Variants in SLF2 observed in about 807,000 individuals in gnomAD.
SLF2 encodes SMC5-SMC6 complex localization factor protein 2.
In SLF2, 68 loss-of-function variants were observed where a neutral mutation model predicts 124.3. That is an observed-to-expected ratio of 0.55 (90% CI 0.45 to 0.67). The LOEUF (loss-of-function observed/expected upper bound fraction) is 0.67, where lower values mean the gene tolerates loss of function less well. SLF2 is among the 30% of genes least tolerant of loss of function. The pLI is 0.00. For missense variants in SLF2, 1,246 were observed against 1,373.7 expected (o/e 0.91, Z 1.47); for synonymous variants, 480 against 478.8 (o/e 1.00, Z -0.03).
intron 5 of SLF2, among the ~76,000 whole-genome samples, chr10:100,925,720 G>C (rs1849599441): frequency 6.6e-6 from 1 of 152,170 alleles, no homozygotes. Context: ...CTCAAAGTTA[G>C]CAGGGTTTTA....
chr10:100,952,033 C>T (rs1461388818), intron 17 of SLF2, among the ~76,000 whole-genome samples: 2 of 152,104 alleles, frequency 1.3e-5, no homozygotes, highest in African/African-American at 4.8e-5. Flanking sequence ...CACTTGAGGT[C>T]AGAAGTTCAA....
Position 100,924,590 on chromosome 10 carries a change from A to T in SLF2, c.1589A>T (p.Lys530Met). The T allele has an allele frequency of 6.2e-7, 1 of 1,614,114 alleles. No homozygotes were observed. Among genetic ancestry groups the T allele is most frequent in the South Asian group, 1.1e-5 (1 of 91,086 alleles). Reference protein sequence around the residue: ...KHKEHKAKTNKADSNVSSGKI... With the variant: ...KHKEHKAKTNMADSNVSSGKI... ...AAGGAACACAAAGCAAAGACTAATA[A>T]GGCCGATTCTAATGTATCTTCAGGG... Residue 530 changes from lysine to methionine, a missense_variant, in exon 5 of 20, where the codon AAG (lysine) becomes ATG (methionine). Around this residue, in one of 3 missense-constraint regions of SLF2, gnomAD observed 698 missense variants for 708.9 expected, o/e 0.98. Coordinates refer to ENST00000238961, the MANE Select transcript of SLF2 (RefSeq NM_018121.4).
chr10:100,925,819 T>G (rs1490983231), intron 5 of SLF2, 130 bp from the exon 6 acceptor site: 5 of 886,548 alleles, frequency 5.6e-6, no homozygotes, highest in Non-Finnish European at 8.4e-6. Context: ...AAATTATCCT[T>G]TAAGAAAGGT....
At chr10:100,918,462 A>G in intron 4 of SLF2, 21 bp downstream of exon 4, 2 of 1,504,404 alleles carry the variant, frequency 1.3e-6, no homozygotes, top group Non-Finnish European at 1.8e-6. Flanking sequence ...AATTAAATTT[A>G]TGGATTTCTA....
intron 1 of SLF2, 57 bp downstream of exon 1, chr10:100,913,307 A>T (rs1206476394): frequency 2.1e-6 from 3 of 1,404,932 alleles, no homozygotes; most frequent in African/African-American, 1.5e-5. Flanking sequence ...GTATGAGGGG[A>T]GGGCTGCAGA....
At chr10:100,956,958 G>C (rs1850342623) in intron 18 of SLF2, among the ~76,000 whole-genome samples, 1 of 152,006 alleles carries the variant, frequency 6.6e-6, no homozygotes. Context: ...ATTAGAAATA[G>C]GACTTTCTCT....
At chr10:100,935,116 C>CG (rs1849818594) in intron 9 of SLF2, among the ~76,000 whole-genome samples, 1 of 151,846 alleles carries the variant, frequency 6.6e-6, no homozygotes, top group Non-Finnish European at 1.5e-5. Context: ...TTATGTCAGG[C>CG]GGGGCGTGAT....
rs1351995229 is a variant in SLF2, at chr10:100,929,340, T to A, written c.2066T>A (p.Leu689Gln). ...AGGCTAGATGAACTGCAGAAGCAACTACAAGAAGACATAAGGCAAGGCCGA... is the reference window on the plus strand; with the variant it reads ...AGGCTAGATGAACTGCAGAAGCAACAACAAGAAGACATAAGGCAAGGCCGA... Reference protein sequence around the residue: ...TQRLDELQKQLQEDIRQGRGI... With the variant: ...TQRLDELQKQQQEDIRQGRGI... Residue 689 changes from leucine to glutamine, a missense_variant, in exon 7 of 20, where the codon CTA becomes CAA. Coordinates refer to ENST00000238961, the MANE Select transcript of SLF2 (RefSeq NM_018121.4). 1 of 1,612,840 alleles carries A rather than the reference T, an allele frequency of 6.2e-7. No homozygotes were observed. Among genetic ancestry groups the A allele is most frequent in the Non-Finnish European group, 8.5e-7 (1 of 1,179,212 alleles).
At position 100,950,073 on chromosome 10, in the gene SLF2, T is replaced by C; in HGVS notation, c.3121-3T>C. On this transcript the variant is annotated splice_polypyrimidine_tract_variant and splice_region_variant and intron_variant, in intron 15 of 19. Transcript: ENST00000238961. Reference sequence around the variant, plus strand: ...GTTCAATGTCTCCTCTTTCTTTTGATAGGTATCAGTCCTACATCGCTATCT... The same window carrying C: ...GTTCAATGTCTCCTCTTTCTTTTGACAGGTATCAGTCCTACATCGCTATCT... 6.4e-7 allele frequency: 1 copy of C among 1,557,526 alleles called. No homozygotes were observed. The highest frequency in any genetic ancestry group is 8.7e-7 in the Non-Finnish European group (1 of 1,150,674).
At chr10:100,943,201 A>ACCTT (rs1442062222) in intron 11 of SLF2, among the ~76,000 whole-genome samples, 1 of 152,224 alleles carries the variant, frequency 6.6e-6, no homozygotes. Flanking sequence ...GGCTCCTTCT[A>ACCTT]CCTTATCAGA....
At chr10:100,926,491 C>G in intron 6 of SLF2, 1 of 410,262 alleles carries the variant, frequency 2.4e-6, no homozygotes, top group South Asian at 4.9e-5. Flanking sequence ...ATGGTCCCAG[C>G]TACTCAACAG....
chr10:100,959,505 T>C lies in SLF2; in HGVS notation c.3486+9T>C, dbSNP rs1389009419. The C allele has an allele frequency of 1.9e-6, 3 of 1,613,004 alleles. No individual in the cohort carries two copies. The highest frequency in any genetic ancestry group is 2.5e-6 in the Non-Finnish European group (3 of 1,179,732). ...ACTGTCGGCCTACTCAGGTGTCATT[T>C]TGTTATACAATTTCATGTATTCTTA... On this transcript the variant is annotated intron_variant, in intron 19 of 19. Transcript: ENST00000238961.
chr10:100,917,951 G>A (rs1849450711), intron 3 of SLF2, among the ~76,000 whole-genome samples: 1 of 152,118 alleles, frequency 6.6e-6, no homozygotes, highest in Non-Finnish European at 1.5e-5. Flanking sequence ...ACCAGTCATG[G>A]TGGCATGTGC....
Position 100,913,022 on chromosome 10 carries a change from C to A in SLF2, c.-89C>A, listed in dbSNP as rs1849344471. 2 of 1,456,862 alleles carry A rather than the reference C, an allele frequency of 1.4e-6. No homozygotes were observed. Among genetic ancestry groups the A allele is most frequent in the Admixed American group, 1.9e-5 (1 of 52,872 alleles). The allele number at this position is 1,456,862 out of a possible 1,614,324, so 90.2% of individuals were successfully genotyped here. A position where few individuals can be genotyped will look rare whatever the true frequency, so the allele number is the denominator to read the frequency against. On this transcript the variant is annotated 5_prime_UTR_variant, in exon 1 of 20. Transcript: ENST00000238961. ...GGGGTGCCGCCCACCTCTGCTCCGA[C>A]AGCCTCCCGGAGTCCCAGCAGCAAG...
At chr10:100,918,299 A>G in intron 3 of SLF2, 85 bp from the exon 4 acceptor site, 1 of 803,222 alleles carries the variant, frequency 1.2e-6, no homozygotes. Context: ...CAATCTAGAA[A>G]TCTGTGTTTA....
chr10:100,939,788 A>T lies in SLF2; in HGVS notation c.2654+1052A>T, dbSNP rs141569392. ...GAGGAAATGAATAGACTGATCACAGAAAAGGAAGTAAAAATGGAAAGGTAA... is the reference window on the plus strand; with the variant it reads ...GAGGAAATGAATAGACTGATCACAGTAAAGGAAGTAAAAATGGAAAGGTAA... On this transcript the variant is annotated intron_variant, in intron 11 of 19. Transcript: ENST00000238961. 4.2e-3 allele frequency among the ~76,000 whole-genome samples: 639 copies of T among 152,354 alleles called. 5 individuals are homozygous for T. The highest frequency in any genetic ancestry group is 0.013 in the African/African-American group (561 of 41,584).
chr10:100,921,179 C>A lies in SLF2; in HGVS notation c.973+2738C>A, dbSNP rs535566933. Among the ~76,000 whole-genome samples, 138 of 152,268 alleles carry A rather than the reference C, an allele frequency of 9.1e-4. 1 individual carries two copies. Among genetic ancestry groups the A allele is most frequent in the African/African-American group, 3.0e-3 (123 of 41,556 alleles). ...AATTTAATCCATTGCTAGTACATTT[C>A]GTAACTGATTAATAACCAATCACCT... On this transcript the variant is annotated intron_variant, in intron 4 of 19. Transcript: ENST00000238961.
chr10:100,916,892 A>T lies in SLF2; in HGVS notation c.507A>T (p.Arg169=). ...TGAAGTCACTAAAGAAAAAACATCGATCCCCAGAGAGAAGGAAGTCACTAT... is the reference window on the plus strand; with the variant it reads ...TGAAGTCACTAAAGAAAAAACATCGTTCCCCAGAGAGAAGGAAGTCACTAT... The part of the protein sequence containing the change: ...KEMKSLKKKH[R]SPERRKSLFI... The change falls in exon 3 of 20, where the codon CGA becomes CGT. Residue 169 remains arginine, a synonymous_variant. Transcript: ENST00000238961. 1.2e-6 allele frequency: 2 copies of T among 1,614,180 alleles called. No individual in the cohort carries two copies. The highest frequency in any genetic ancestry group is 1.7e-6 in the Non-Finnish European group (2 of 1,180,044).
chr10:100,930,612 A>C (rs771342773), intron 8 of SLF2, among the ~76,000 whole-genome samples: 29 of 152,146 alleles, frequency 1.9e-4, no homozygotes, highest in Non-Finnish European at 3.8e-4. Flanking sequence ...CAGTGCCCAA[A>C]CTGATCTAAT....
Sources: gnomAD v4.1 joint callset for allele counts (sites outside exome capture counted in the v4.1 genomes callset) on GRCh38, gnomAD v4.1.1 for gene constraint, gnomAD v4.1.1 regional missense constraint, MANE v1.5 for transcripts, NCBI Gene and HGNC (gene_info 2026-07-23, HGNC 2026-07-21) for gene names.